Variants in PTPRD observed in about 807,000 individuals in gnomAD.
PTPRD encodes receptor-type tyrosine-protein phosphatase delta.
Under a neutral mutation model 214.5 loss-of-function variants are expected in PTPRD, and 34 were observed. That is an observed-to-expected ratio of 0.16 (90% confidence interval 0.12 to 0.21). The LOEUF (loss-of-function observed/expected upper bound fraction) is 0.21, where lower values mean the gene tolerates loss of function less well. Ranked by LOEUF, PTPRD falls within the 10% of genes least tolerant of loss-of-function variation. The probability of loss-of-function intolerance (pLI) is 1.00; values close to 1 mark genes in which losing one functional copy is unlikely to be tolerated. For missense variants in PTPRD, 2,545 were observed against 2,398.7 expected, an observed-to-expected ratio of 1.06 and a Z score of -1.27; for synonymous variants, 1,128 against 845.7, an observed-to-expected ratio of 1.33 and a Z score of -5.79.
At chr9:8,922,129 T>A (rs2098832159) in intron 11 of PTPRD, among the ~76,000 whole-genome samples, 1 of 152,220 alleles carries the variant, frequency 6.6e-6, no homozygotes, top group East Asian at 1.9e-4. Context: ...TTAATACTTA[T>A]TAAAAGGATT....
chr9:9,984,787 G>A (rs78439007), intron 4 of PTPRD, among the ~76,000 whole-genome samples: 9,772 of 152,028 alleles, frequency 0.064, 443 homozygotes, highest in East Asian at 0.099. Context: ...GCTGTCTCTC[G>A]GAGGCCTGGA....
At chr9:9,254,969 A>G (rs1004873186) in intron 9 of PTPRD, among the ~76,000 whole-genome samples, 5 of 152,090 alleles carry the variant, frequency 3.3e-5, no homozygotes, top group Admixed American at 6.6e-5. Context: ...AACAGGTTGT[A>G]AAATTCTGAC....
chr9:10,334,565 A>G (rs542230038), intron 3 of PTPRD, among the ~76,000 whole-genome samples: 1 of 151,752 alleles, frequency 6.6e-6, no homozygotes, highest in East Asian at 2.0e-4. Context: ...AATCATAGAT[A>G]ATATTACGAG....
intron 2 of PTPRD, among the ~76,000 whole-genome samples, chr9:10,423,574 G>T (rs768958870): frequency 6.6e-6 from 1 of 151,870 alleles, no homozygotes; most frequent in East Asian, 2.0e-4. Context: ...AGATTTCTCC[G>T]AGACAGTGCC....
chr9:9,918,031 A>G (rs2081430691), intron 5 of PTPRD, among the ~76,000 whole-genome samples: 2 of 152,002 alleles, frequency 1.3e-5, no homozygotes, highest in African/African-American at 4.8e-5. Flanking sequence ...CTGTCTTATT[A>G]CACATAGTAT....
At chr9:10,489,639 CTGCAGCTGCTGCAAGTCT>C (rs1346486858) in intron 2 of PTPRD, among the ~76,000 whole-genome samples, 1 of 152,188 alleles carries the variant, frequency 6.6e-6, no homozygotes, top group East Asian at 1.9e-4. Flanking sequence ...TGTAGTACCT[CTGCAGCTGCTGCAAGTCT>C]TGCAGATCCT....
intron 3 of PTPRD, among the ~76,000 whole-genome samples, chr9:10,333,544 A>G (rs2096790180): frequency 6.6e-6 from 1 of 151,812 alleles, no homozygotes; most frequent in African/African-American, 2.4e-5. Context: ...CTGTTTTCTA[A>G]TTTCATTTTT....
At chr9:9,793,568 C>T (rs1436451578) in intron 5 of PTPRD, among the ~76,000 whole-genome samples, 3 of 152,034 alleles carry the variant, frequency 2.0e-5, no homozygotes, top group Non-Finnish European at 2.9e-5. Context: ...GAAAGATTAT[C>T]TCTGTTAGTA....
rs543141388 is a variant in PTPRD at position 9,345,633 on chromosome 9, T to C, written c.-203+51816A>G. Among the ~76,000 whole-genome samples the C allele has an allele frequency of 7.2e-4, 109 of 152,306 alleles. 1 individual carries two copies. The highest frequency in any genetic ancestry group is 2.4e-3 in the African/African-American group (99 of 41,578). On this transcript the variant is annotated intron_variant, in intron 9 of 45. Transcript: ENST00000381196. ...CCAAGGTCATCCCATATGGCTAGAT[T>C]AGCATTGAGGCTAAAATAATCATGA...
intron 2 of PTPRD, among the ~76,000 whole-genome samples, chr9:10,405,648 C>T (rs537453570): frequency 1.3e-5 from 2 of 151,428 alleles, no homozygotes; most frequent in Non-Finnish European, 3.0e-5. Context: ...AGTGTATGTA[C>T]AGAAATTTTG....
intron 10 of PTPRD, among the ~76,000 whole-genome samples, chr9:9,019,536 C>A (rs915559176): frequency 7.2e-5 from 11 of 152,086 alleles, no homozygotes; most frequent in Admixed American, 2.0e-4. Flanking sequence ...GAAACCCCAT[C>A]TCTACTCAAA....
intron 3 of PTPRD, among the ~76,000 whole-genome samples, chr9:10,112,855 A>C (rs1296048815): frequency 6.6e-6 from 1 of 152,334 alleles, no homozygotes; most frequent in South Asian, 2.1e-4. Context: ...TTAAAATATA[A>C]TTCCCTACCT....
At chr9:9,338,284 G>T (rs1315484788) in intron 9 of PTPRD, among the ~76,000 whole-genome samples, 1 of 152,142 alleles carries the variant, frequency 6.6e-6, no homozygotes, top group African/African-American at 2.4e-5. Flanking sequence ...TTCCATGTTA[G>T]GAATTCCATT....
At chr9:10,104,614 A>G (rs1436259200) in intron 3 of PTPRD, among the ~76,000 whole-genome samples, 2 of 151,808 alleles carry the variant, frequency 1.3e-5, no homozygotes, top group Non-Finnish European at 2.9e-5. Flanking sequence ...TTGTAATAAT[A>G]TTTTCTTTGA....
chr9:10,318,076 A>T (rs1307941173), intron 3 of PTPRD, among the ~76,000 whole-genome samples: 1 of 151,976 alleles, frequency 6.6e-6, no homozygotes, highest in Non-Finnish European at 1.5e-5. Flanking sequence ...AATGAAATCA[A>T]ACTTACAAAC....
At chr9:10,267,595 G>C (rs191290625) in intron 3 of PTPRD, among the ~76,000 whole-genome samples, 2 of 152,262 alleles carry the variant, frequency 1.3e-5, no homozygotes, top group African/African-American at 4.8e-5. Context: ...AGAATAACTA[G>C]AGTTTATTTT....
chr9:10,118,732 C>T (rs1563929957), intron 3 of PTPRD, among the ~76,000 whole-genome samples: 2 of 151,448 alleles, frequency 1.3e-5, no homozygotes, highest in Non-Finnish European at 3.0e-5. Flanking sequence ...GTGCCCTAAT[C>T]GTTGGTATCT....
intron 11 of PTPRD, among the ~76,000 whole-genome samples, chr9:8,794,865 A>C (rs2096363171): frequency 6.6e-6 from 1 of 152,072 alleles, no homozygotes; most frequent in African/African-American, 2.4e-5. Flanking sequence ...TCATGAAAAA[A>C]AAAAACATCA....
At chr9:8,500,590 A>AAAAAAAAAAT in intron 24 of PTPRD, among the ~76,000 whole-genome samples, 164 bp downstream of exon 24, 1 of 136,710 alleles carries the variant, frequency 7.3e-6, no homozygotes, top group African/African-American at 2.7e-5. Context: ...AAAAAAAAAA[A>AAAAAAAAAAT]GGCCAGGCTG....
Sources: gnomAD v4.1 joint callset for allele counts (sites outside exome capture counted in the v4.1 genomes callset) on GRCh38, gnomAD v4.1.1 for gene constraint, MANE v1.5 for transcripts, NCBI Gene and HGNC (gene_info 2026-07-23, HGNC 2026-07-21) for gene names.